Variants in SPAG6 observed in about 807,000 individuals in gnomAD.
The protein encoded by SPAG6 is sperm associated antigen 6.
SPAG6 carries 49 observed loss-of-function variants against 58.5 expected under a neutral mutation model. The ratio of observed to expected loss-of-function variants is 0.84; its 90% CI spans 0.67 to 1.06. SPAG6 has a LOEUF of 1.06. Ranked by LOEUF, SPAG6 falls within the 50% of genes least tolerant of loss-of-function variation. The pLI is 0.00. For synonymous variants in SPAG6, 233 were observed against 225.6 expected (o/e 1.03, Z -0.29); for missense variants, 560 against 611.3 (o/e 0.92, Z 0.89).
chr10:22,373,812 T>G (rs926577786), intron 4 of SPAG6, among the ~76,000 whole-genome samples: 9 of 152,210 alleles, frequency 5.9e-5, no homozygotes, highest in African/African-American at 2.2e-4. Flanking sequence ...TATTATATAT[T>G]TCATTTATTT....
chr10:22,395,003 C>T (rs1475042270), intron 8 of SPAG6, among the ~76,000 whole-genome samples: 1 of 152,206 alleles, frequency 6.6e-6, no homozygotes, highest in African/African-American at 2.4e-5. Flanking sequence ...AGCCACCACA[C>T]CTAGCCATGT....
intron 3 of SPAG6, among the ~76,000 whole-genome samples, chr10:22,368,076 T>C (rs1442655847): frequency 6.6e-6 from 1 of 152,166 alleles, no homozygotes; most frequent in African/African-American, 2.4e-5. Flanking sequence ...TGAGGGCAAG[T>C]AAAGGAAATG....
Position 22,387,041 on chromosome 10 carries a change from A to G in SPAG6, c.678+82A>G. 2.9e-6 allele frequency: 3 copies of G among 1,050,152 alleles called. No individual in the cohort carries two copies. In the Admixed American group the frequency reaches 5.8e-5, roughly 20 times the overall value. The allele number at this position is 1,050,152 out of a possible 1,614,324, so 65.1% of individuals were successfully genotyped here. A position where few individuals can be genotyped will look rare whatever the true frequency, so the allele number is the denominator to read the frequency against. On this transcript the variant is annotated intron_variant, in intron 5 of 10. Transcript: ENST00000376624. ...AAATGTGTACACGTGAATATTTTGC[A>G]TCTAAAAATAATTAGCAAATTATCA... is the stretch of plus-strand genomic sequence containing the variant.
At chr10:22,373,558 A>G (rs1833752452) in intron 4 of SPAG6, among the ~76,000 whole-genome samples, 1 of 152,228 alleles carries the variant, frequency 6.6e-6, no homozygotes, top group Non-Finnish European at 1.5e-5. Flanking sequence ...TATCAGAGAT[A>G]AGAGCTAAGG....
chr10:22,365,236 AT>A (rs1057488676), intron 3 of SPAG6, among the ~76,000 whole-genome samples: 1 of 152,132 alleles, frequency 6.6e-6, no homozygotes. Flanking sequence ...GAGAAAATAG[AT>A]TTTTTTAGGC....
At chr10:22,359,694 T>C (rs1836978682) in intron 2 of SPAG6, among the ~76,000 whole-genome samples, 1 of 152,202 alleles carries the variant, frequency 6.6e-6, no homozygotes. Flanking sequence ...TTTTGTTATG[T>C]ATATTTTGCC....
intron 4 of SPAG6, among the ~76,000 whole-genome samples, chr10:22,377,428 A>G (rs1269259786): frequency 1.3e-5 from 2 of 152,256 alleles, no homozygotes; most frequent in South Asian, 2.1e-4. Context: ...TGTGTGTTAC[A>G]TGACAATAGA....
At chr10:22,357,453 C>T (rs1836899711) in intron 2 of SPAG6, among the ~76,000 whole-genome samples, 1 of 152,064 alleles carries the variant, frequency 6.6e-6, no homozygotes, top group African/African-American at 2.4e-5. Context: ...AAAAAAGCCT[C>T]TAACTATGGG....
At chr10:22,379,415 CTGAA>C (rs1248671374) in intron 4 of SPAG6, among the ~76,000 whole-genome samples, 1 of 152,194 alleles carries the variant, frequency 6.6e-6, no homozygotes, top group East Asian at 1.9e-4. Flanking sequence ...TTATAAAAGA[CTGAA>C]ATGTCTTTTA....
At chr10:22,409,439 C>G (rs1362094308) in intron 9 of SPAG6, among the ~76,000 whole-genome samples, 2 of 152,162 alleles carry the variant, frequency 1.3e-5, no homozygotes, top group Admixed American at 6.5e-5. Context: ...GTACCCAGCT[C>G]TCTGTTGAGC....
rs139051131 is a variant in SPAG6 at position 22,391,758 on chromosome 10, A to G, written c.1035A>G (p.Ser345=). 464 of 1,613,424 alleles carry G rather than the reference A, an allele frequency of 2.9e-4. No homozygotes were observed. The highest frequency in any genetic ancestry group is 2.9e-4 in the Non-Finnish European group (346 of 1,179,704). Residue 345 remains serine, a synonymous_variant, in exon 8 of 11, where the codon TCA becomes TCG. Transcript: ENST00000376624. ...KGVPQLSVCL[S]EEPEDHIKAA... ...TACCCCAGTTGTCAGTCTGCTTGTC[A>G]GAAGAACCGGAAGATCATATTAAGG...
intron 5 of SPAG6, among the ~76,000 whole-genome samples, chr10:22,387,259 G>T (rs1450128312): frequency 6.6e-6 from 1 of 152,070 alleles, no homozygotes; most frequent in Non-Finnish European, 1.5e-5. Flanking sequence ...AAAGATTTTT[G>T]AACCCACCAC....
intron 8 of SPAG6, 105 bp downstream of exon 8, chr10:22,392,025 A>C: frequency 1.4e-6 from 1 of 736,798 alleles, no homozygotes; most frequent in Non-Finnish European, 2.2e-6. Flanking sequence ...ATGAGTCAAG[A>C]AATACAAATT....
chr10:22,398,793 T>A (rs778601883), intron 8 of SPAG6, among the ~76,000 whole-genome samples: 16 of 152,116 alleles, frequency 1.1e-4, no homozygotes, highest in Admixed American at 2.0e-4. Flanking sequence ...GAGAAAATAT[T>A]TGCAATTCAA....
chr10:22,410,927 T>C lies in SPAG6; in HGVS notation c.1315-104T>C, dbSNP rs1235875691. ...CTCATTATGTTATAGGTATATTGGG[T>C]ATAAATTCTCTTTTACATTTTCTCA... On this transcript the variant is annotated intron_variant, in intron 9 of 10. Transcript: ENST00000376624. The C allele has an allele frequency of 3.4e-6, 4 of 1,168,660 alleles. No homozygotes were observed. The African/African-American group carries it at 6.2e-5, about 18-fold the overall frequency. The allele number at this position is 1,168,660 out of a possible 1,614,324, so 72.4% of individuals were successfully genotyped here. A position where few individuals can be genotyped will look rare whatever the true frequency, so the allele number is the denominator to read the frequency against.
At chr10:22,368,352 C>A in intron 3 of SPAG6, 143 bp from the exon 4 acceptor site, 2 of 588,490 alleles carry the variant, frequency 3.4e-6, no homozygotes, top group East Asian at 2.9e-5. Flanking sequence ...AATTATTTTG[C>A]AGGATGTTTT....
At chr10:22,384,698 T>A (rs929061980) in intron 4 of SPAG6, among the ~76,000 whole-genome samples, 3 of 152,184 alleles carry the variant, frequency 2.0e-5, no homozygotes, top group African/African-American at 7.2e-5. Context: ...TCATGGCAAA[T>A]CTTTTTCCAC....
intron 9 of SPAG6, among the ~76,000 whole-genome samples, chr10:22,405,814 A>C (rs935250824): frequency 6.6e-6 from 1 of 152,076 alleles, no homozygotes; most frequent in Non-Finnish European, 1.5e-5. Context: ...ACAATTTCAG[A>C]TCCTGTTATT....
chr10:22,375,751 G>A (rs1457330194), intron 4 of SPAG6, among the ~76,000 whole-genome samples: 1 of 151,764 alleles, frequency 6.6e-6, no homozygotes, highest in African/African-American at 2.4e-5. Context: ...GCTAATTTTT[G>A]TATTTTTAGT....
Sources: allele counts gnomAD v4.1 joint callset (sites outside exome capture counted in the v4.1 genomes callset), GRCh38; gene constraint gnomAD v4.1.1; transcripts MANE v1.5; gene names NCBI Gene and HGNC (gene_info 2026-07-23, HGNC 2026-07-21).